The following STRN3 variants were observed in gnomAD, a reference collection of about 807,000 sequenced individuals.
STRN3 encodes the protein striatin-3.
STRN3 carries 29 observed loss-of-function variants against 95.6 expected under a neutral mutation model. The ratio of observed to expected loss-of-function variants is 0.30; its 90% confidence interval spans 0.23 to 0.41. STRN3 has a LOEUF of 0.41. Among genes scored for constraint, STRN3 ranks in the 10% least tolerant of loss-of-function variants. The probability of loss-of-function intolerance (pLI) is 1.00; values close to 1 mark genes in which losing one functional copy is unlikely to be tolerated. For missense variants in STRN3, 890 were observed against 972.1 expected (o/e 0.92, Z 1.12); for synonymous variants, 331 against 357.6 (o/e 0.93, Z 0.84).
chr14:31,017,670 G>A (rs1243122697), intron 1 of STRN3, among the ~76,000 whole-genome samples: 1 of 152,086 alleles, frequency 6.6e-6, no homozygotes, highest in Non-Finnish European at 1.5e-5. Context: ...AATGTATTCT[G>A]GAAAAGGCAA....
chr14:31,011,822 G>A lies in STRN3; in HGVS notation c.282+14082C>T, dbSNP rs1268154593. On this transcript the variant is annotated intron_variant, in intron 1 of 17. Coordinates refer to ENST00000357479, the MANE Select transcript of STRN3 (RefSeq NM_001083893.2). ...TTTTTTGAGGCAGTGGCTAACGGAT[G>A]TAATCCCAGCACTTTGGGAGGCCAA... Among the ~76,000 whole-genome samples the A allele has an allele frequency of 2.6e-5, 4 of 152,208 alleles. No individual in the cohort carries two copies. The East Asian group carries it at 7.7e-4, about 29-fold the overall frequency.
chr14:30,991,303 A>G (rs1039934615), intron 1 of STRN3, among the ~76,000 whole-genome samples: 1 of 152,174 alleles, frequency 6.6e-6, no homozygotes, highest in Non-Finnish European at 1.5e-5. Flanking sequence ...CCTATGAGAA[A>G]CACAAATTTG....
intron 8 of STRN3, among the ~76,000 whole-genome samples, chr14:30,925,225 G>A (rs776662721): frequency 5.3e-5 from 8 of 151,718 alleles, no homozygotes; most frequent in Non-Finnish European, 7.4e-5. Context: ...TCTTGCTGGG[G>A]GGAGGGGGCG....
At chr14:30,902,381 A>G (rs1264978555) in intron 16 of STRN3, among the ~76,000 whole-genome samples, 155 bp downstream of exon 16, 1 of 152,144 alleles carries the variant, frequency 6.6e-6, no homozygotes, top group East Asian at 1.9e-4. Flanking sequence ...AACAAATCAT[A>G]AGCGTGCAAC....
At chr14:30,937,646 A>C (rs754659701) in intron 5 of STRN3, among the ~76,000 whole-genome samples, 2 of 152,204 alleles carry the variant, frequency 1.3e-5, no homozygotes, top group Non-Finnish European at 2.9e-5. Flanking sequence ...GACTTTCACC[A>C]TGAAAATTCT....
intron 4 of STRN3, among the ~76,000 whole-genome samples, chr14:30,950,523 C>T (rs1879586206): frequency 6.6e-6 from 1 of 152,144 alleles, no homozygotes; most frequent in South Asian, 2.1e-4. Flanking sequence ...CAACTAAATT[C>T]ATTCTCTAGA....
At chr14:31,009,042 A>T in intron 1 of STRN3, among the ~76,000 whole-genome samples, 1 of 152,202 alleles carries the variant, frequency 6.6e-6, no homozygotes, top group East Asian at 1.9e-4. Flanking sequence ...CTCTCTCAAA[A>T]AAAAGAAAAA....
At chr14:31,001,473 T>C (rs966067618) in intron 1 of STRN3, among the ~76,000 whole-genome samples, 2 of 151,408 alleles carry the variant, frequency 1.3e-5, no homozygotes, top group African/African-American at 4.9e-5. Flanking sequence ...AAGATCAAGG[T>C]TGTAATGAGC....
chr14:30,955,546 C>T (rs941476955), intron 3 of STRN3, 74 bp downstream of exon 3: 53 of 1,262,090 alleles, frequency 4.2e-5, no homozygotes, highest in Admixed American at 5.6e-5. Flanking sequence ...AACCAAAATG[C>T]GGGTAAAGAG....
chr14:30,954,837 A>C (rs1451112068), intron 3 of STRN3, among the ~76,000 whole-genome samples: 1 of 151,674 alleles, frequency 6.6e-6, no homozygotes, highest in African/African-American at 2.4e-5. Context: ...TTCTTTACAC[A>C]CAGACCAAGC....
intron 14 of STRN3, among the ~76,000 whole-genome samples, chr14:30,905,909 T>G (rs980952432): frequency 6.6e-6 from 1 of 152,214 alleles, no homozygotes. Context: ...CTTCTTACTG[T>G]AAAATGATAA....
At chr14:30,904,477 T>C (rs1454579140) in intron 15 of STRN3, among the ~76,000 whole-genome samples, 3 of 152,192 alleles carry the variant, frequency 2.0e-5, no homozygotes, top group Non-Finnish European at 4.4e-5. Context: ...AACCAACTCA[T>C]TATTTTAAAA....
intron 1 of STRN3, among the ~76,000 whole-genome samples, chr14:31,018,278 G>C (rs1883338395): frequency 6.6e-6 from 1 of 152,160 alleles, no homozygotes; most frequent in Admixed American, 6.5e-5. Flanking sequence ...CTGGGCCATA[G>C]TAAGCTGCTG....
chr14:30,925,228 A>AG (rs766698876), intron 8 of STRN3, among the ~76,000 whole-genome samples: 30 of 67,278 alleles, frequency 4.5e-4, no homozygotes, highest in Non-Finnish European at 1.8e-4. Flanking sequence ...TGCTGGGGGG[A>AG]GGGGGCGGGC....
intron 16 of STRN3, among the ~76,000 whole-genome samples, chr14:30,898,855 C>T (rs4981084): frequency 0.86 from 130,185 of 152,210 alleles, 56,079 homozygotes; most frequent in East Asian, 0.98. Flanking sequence ...CTGGCTAACA[C>T]TGTGGGCCTC....
At chr14:30,899,307 C>A (rs1896241858) in intron 16 of STRN3, among the ~76,000 whole-genome samples, 1 of 152,182 alleles carries the variant, frequency 6.6e-6, no homozygotes, top group African/African-American at 2.4e-5. Flanking sequence ...ATTTGTAACT[C>A]TACCAAAATT....
chr14:30,993,522 A>G (rs569314913), intron 1 of STRN3, among the ~76,000 whole-genome samples: 13 of 152,340 alleles, frequency 8.5e-5, no homozygotes, highest in African/African-American at 3.1e-4. Flanking sequence ...TGAATCTTTG[A>G]AGACTGAAAT....
intron 1 of STRN3, chr14:30,964,277 G>C (rs1158980560): frequency 6.6e-6 from 1 of 152,162 alleles, no homozygotes; most frequent in Non-Finnish European, 1.5e-5. Context: ...TAGGGCATGG[G>C]AGCTGGGATT....
rs1188039230 is a variant in STRN3, at chr14:30,902,193, AAAAAAAAAAAAAAAAT to A, written c.2137+327_2137+342del. On this transcript the variant is annotated intron_variant, in intron 16 of 17. Transcript: ENST00000357479. ...CCTCAAAAAAAAAAAAAAAAAAAAA[AAAAAAAAAAAAAAAAT>A]GGAAATGCCAAACACCAGAAAGAGA... is the stretch of plus-strand genomic sequence containing the variant. Among the ~76,000 whole-genome samples, 82 of 143,016 alleles carry A rather than the reference AAAAAAAAAAAAAAAAT, an allele frequency of 5.7e-4. 1 individual carries two copies. In the East Asian group the frequency reaches 0.011, roughly 20 times the overall value. The allele number at this position is 143,016 out of a possible 152,430, so 93.8% of individuals were successfully genotyped here.
Sources: gnomAD v4.1 joint callset for allele counts (sites outside exome capture counted in the v4.1 genomes callset) on GRCh38, gnomAD v4.1.1 for gene constraint, MANE v1.5 for transcripts, NCBI Gene and HGNC (gene_info 2026-07-23, HGNC 2026-07-21) for gene names.